The following SLC2A13 variants were observed in gnomAD, a reference collection of about 807,000 sequenced individuals.
The protein encoded by SLC2A13 is solute carrier family 2 member 13, also known as proton myo-inositol cotransporter.
SLC2A13 carries 32 observed loss-of-function variants against 64.4 expected under a neutral mutation model. That is an observed-to-expected ratio of 0.50 (90% CI 0.37 to 0.67). SLC2A13 has a LOEUF of 0.67. SLC2A13 is among the 30% of genes least tolerant of loss of function. The pLI is 0.00. For missense variants in SLC2A13, 743 were observed against 829.2 expected, an observed-to-expected ratio of 0.90 and a Z score of 1.28; for synonymous variants, 338 against 327.1, an observed-to-expected ratio of 1.03 and a Z score of -0.36.
chr12:39,781,999 T>A (rs1941002069), intron 7 of SLC2A13, among the ~76,000 whole-genome samples: 1 of 152,192 alleles, frequency 6.6e-6, no homozygotes, highest in East Asian at 1.9e-4. Context: ...AACTGAAAAT[T>A]ACCCAACATC....
intron 7 of SLC2A13, among the ~76,000 whole-genome samples, chr12:39,812,328 C>G (rs1942187466): frequency 7.8e-6 from 1 of 128,552 alleles, no homozygotes; most frequent in South Asian, 2.6e-4. Flanking sequence ...CACATTGGGA[C>G]TAATTTCTTT....
chr12:39,890,160 A>G (rs542416554), intron 4 of SLC2A13, among the ~76,000 whole-genome samples: 1 of 152,300 alleles, frequency 6.6e-6, no homozygotes, highest in African/African-American at 2.4e-5. Flanking sequence ...AATATAAAAT[A>G]TTGAGTTATA....
intron 4 of SLC2A13, among the ~76,000 whole-genome samples, chr12:39,900,757 T>A (rs1945074586): frequency 6.6e-6 from 1 of 152,146 alleles, no homozygotes; most frequent in African/African-American, 2.4e-5. Flanking sequence ...AAAATGGCCA[T>A]ACTGCCCAAG....
At chr12:39,896,172 GA>G (rs1177116810) in intron 4 of SLC2A13, among the ~76,000 whole-genome samples, 1 of 143,982 alleles carries the variant, frequency 6.9e-6, no homozygotes, top group African/African-American at 2.6e-5. Context: ...ATACATATAT[GA>G]ATATGTATAT....
intron 3 of SLC2A13, among the ~76,000 whole-genome samples, chr12:39,972,664 T>A (rs1946685349): frequency 6.6e-6 from 1 of 152,224 alleles, no homozygotes; most frequent in African/African-American, 2.4e-5. Context: ...ATTGATGTAG[T>A]ATCATTCATA....
chr12:39,820,111 A>G (rs1942450621), intron 7 of SLC2A13, among the ~76,000 whole-genome samples: 1 of 152,156 alleles, frequency 6.6e-6, no homozygotes, highest in Non-Finnish European at 1.5e-5. Flanking sequence ...CTCATTTACC[A>G]AATAAATGAC....
chr12:40,098,097 ATT>A (rs1353130881), intron 1 of SLC2A13, among the ~76,000 whole-genome samples: 1 of 151,664 alleles, frequency 6.6e-6, no homozygotes, highest in East Asian at 1.9e-4. Context: ...ATATATGTGT[ATT>A]TATTTTTATA....
intron 1 of SLC2A13, among the ~76,000 whole-genome samples, chr12:40,101,020 T>C (rs1939132374): frequency 6.7e-6 from 1 of 150,248 alleles, no homozygotes; most frequent in Non-Finnish European, 1.5e-5. Flanking sequence ...CAATCATTTC[T>C]GGGATGGAAA....
chr12:39,854,303 C>CA (rs1372148945), intron 6 of SLC2A13, among the ~76,000 whole-genome samples: 1 of 151,870 alleles, frequency 6.6e-6, no homozygotes, highest in Admixed American at 6.6e-5. Context: ...AGGTAATATT[C>CA]AAAAAGAATA....
At chr12:39,926,078 C>T (rs1592288949) in intron 4 of SLC2A13, among the ~76,000 whole-genome samples, 1 of 152,080 alleles carries the variant, frequency 6.6e-6, no homozygotes, top group Non-Finnish European at 1.5e-5. Flanking sequence ...ACTCATAACA[C>T]TGAAGCAAAG....
chr12:39,774,584 C>CT (rs11322999), intron 7 of SLC2A13, among the ~76,000 whole-genome samples: 4,152 of 130,180 alleles, frequency 0.032, 69 homozygotes, highest in Non-Finnish European at 0.039. Flanking sequence ...ATTGTCCAGC[C>CT]TTTTTTTTTT....
intron 4 of SLC2A13, among the ~76,000 whole-genome samples, chr12:39,887,728 G>C (rs1944505302): frequency 6.6e-6 from 1 of 152,090 alleles, no homozygotes; most frequent in South Asian, 2.1e-4. Context: ...TTTATAATTT[G>C]TCCAAATCCT....
intron 5 of SLC2A13, among the ~76,000 whole-genome samples, chr12:39,868,626 T>A (rs1943966297): frequency 6.6e-6 from 1 of 152,152 alleles, no homozygotes; most frequent in Admixed American, 6.5e-5. Flanking sequence ...TTCAGAAATA[T>A]TACACTACCA....
chr12:40,101,383 C>T (rs1263009563), intron 1 of SLC2A13, among the ~76,000 whole-genome samples: 2 of 152,162 alleles, frequency 1.3e-5, no homozygotes, highest in Non-Finnish European at 2.9e-5. Flanking sequence ...CTATCTTCGC[C>T]TTTGTCAAAG....
chr12:39,821,383 C>A (rs1273878483), intron 7 of SLC2A13, among the ~76,000 whole-genome samples: 3 of 151,814 alleles, frequency 2.0e-5, no homozygotes, highest in African/African-American at 7.3e-5. Context: ...ACACTCCAGC[C>A]TGGGTAACAG....
At chr12:39,905,024 T>C (rs1945229712) in intron 4 of SLC2A13, among the ~76,000 whole-genome samples, 3 of 152,106 alleles carry the variant, frequency 2.0e-5, no homozygotes, top group African/African-American at 7.2e-5. Flanking sequence ...TAAAACTAGT[T>C]TACTGCTTTA....
intron 4 of SLC2A13, among the ~76,000 whole-genome samples, chr12:39,927,985 T>A: frequency 6.6e-6 from 1 of 152,182 alleles, no homozygotes; most frequent in Non-Finnish European, 1.5e-5. Flanking sequence ...ATTATCTATA[T>A]AACTATAAGC....
rs59875265 is a variant in SLC2A13 at position 40,068,764 on chromosome 12, CAAA to C, written c.557-20557_557-20555del. ...ATAAATTTAAAAATAACATACTCTACAAAAAAAAAAAATCATAGACACAGCTGA... is the reference window on the plus strand; with the variant it reads ...ATAAATTTAAAAATAACATACTCTACAAAAAAAAATCATAGACACAGCTGA... On this transcript the variant is annotated intron_variant, in intron 1 of 9. Transcript: ENST00000280871. 3.8e-5 allele frequency among the ~76,000 whole-genome samples: 5 copies of C among 132,260 alleles called. 1 individual carries two copies. In the East Asian group the frequency reaches 6.4e-4, roughly 17 times the overall value. The allele number at this position is 132,260 out of a possible 152,430, so 86.8% of individuals were successfully genotyped here.
intron 4 of SLC2A13, among the ~76,000 whole-genome samples, chr12:39,897,532 G>A (rs370538657): frequency 6.4e-4 from 98 of 152,272 alleles, no homozygotes; most frequent in African/African-American, 1.9e-3. Flanking sequence ...CTGTGTAATC[G>A]ATCCCTGTGT....
Sources: allele counts gnomAD v4.1 joint callset (sites outside exome capture counted in the v4.1 genomes callset), GRCh38; gene constraint gnomAD v4.1.1; transcripts MANE v1.5; gene names NCBI Gene and HGNC (gene_info 2026-07-23, HGNC 2026-07-21).